ATP6V1H: variants seen among roughly 807,000 people sequenced by gnomAD.
The protein encoded by ATP6V1H is ATPase H+ transporting V1 subunit H.
Under a neutral mutation model 71.7 loss-of-function variants are expected in ATP6V1H, and 39 were observed. The observed-to-expected ratio is 0.54, with a 90% confidence interval of 0.42 to 0.71. ATP6V1H has a LOEUF of 0.71. Among genes scored for constraint, ATP6V1H ranks in the 30% least tolerant of loss-of-function variants. The pLI, the probability that ATP6V1H is intolerant of heterozygous loss-of-function variation, is 0.00. For missense variants in ATP6V1H, 509 were observed against 594.9 expected (o/e 0.86, Z 1.50); for synonymous variants, 192 against 199.3 (o/e 0.96, Z 0.31).
rs558390698 is a variant in ATP6V1H, at chr8:53,717,561, T to C, written c.1392-1537A>G. Among the ~76,000 whole-genome samples the C allele has an allele frequency of 3.9e-5, 6 of 152,318 alleles. No individual in the cohort carries two copies. In the South Asian group the frequency reaches 1.2e-3, roughly 32 times the overall value. On this transcript the variant is annotated intron_variant, in intron 13 of 13. Transcript: ENST00000359530. ...AACTACGCTGACATAATTTAGACAA[T>C]GGGATCTTATTTCCAACCAGAAGTT...
intron 2 of ATP6V1H, among the ~76,000 whole-genome samples, chr8:53,840,847 A>C (rs531390790): frequency 6.6e-6 from 1 of 152,342 alleles, no homozygotes; most frequent in African/African-American, 2.4e-5. Context: ...AATATACCAA[A>C]ATAAATATGA....
At chr8:53,807,680 G>A (rs889504847) in intron 7 of ATP6V1H, among the ~76,000 whole-genome samples, 3 of 152,120 alleles carry the variant, frequency 2.0e-5, no homozygotes, top group Non-Finnish European at 4.4e-5. Context: ...ATGTGTACAG[G>A]GTTGGTTGGT....
intron 1 of ATP6V1H, 34 bp from the exon 2 acceptor site, chr8:53,841,759 G>A (rs1185380378): frequency 1.9e-5 from 29 of 1,566,580 alleles, no homozygotes; most frequent in East Asian, 6.8e-5. Context: ...AACAGAATAC[G>A]AGGTGTTTCT....
chr8:53,725,262 G>A (rs181213016), intron 13 of ATP6V1H, among the ~76,000 whole-genome samples: 2 of 152,224 alleles, frequency 1.3e-5, no homozygotes, highest in East Asian at 1.9e-4. Context: ...GAGCTAGCAT[G>A]AGCGGGCACT....
rs894811416 is a variant in ATP6V1H, at chr8:53,836,184, G to A, written c.114-3098C>T. Among the ~76,000 whole-genome samples the A allele has an allele frequency of 7.2e-5, 11 of 152,088 alleles. 1 individual carries two copies. The highest frequency in any genetic ancestry group is 1.5e-4 in the Non-Finnish European group (10 of 68,024). On this transcript the variant is annotated intron_variant, in intron 2 of 13. Transcript: ENST00000359530. ...AAATAAATGAAATGTTGAGCACACT[G>A]ATAAACCTGAACTTCCTAGATAAAA...
intron 13 of ATP6V1H, among the ~76,000 whole-genome samples, chr8:53,731,033 C>A (rs983726688): frequency 6.6e-6 from 1 of 152,192 alleles, no homozygotes; most frequent in Non-Finnish European, 1.5e-5. Flanking sequence ...TAAGCCTCCA[C>A]GCGACTTCAA....
At position 53,765,230 on chromosome 8, in the gene ATP6V1H, C is replaced by T. The variant is rs540595001; in HGVS notation, c.1175+4388G>A. ...TGGCCTGGCCAACATGGTGAAACCC[C>T]GTCTCTACTAAAAATACAAAAATGA... On this transcript the variant is annotated intron_variant, in intron 11 of 13. Coordinates refer to ENST00000359530, the MANE Select transcript of ATP6V1H (RefSeq NM_015941.4). Among the ~76,000 whole-genome samples, 635 of 151,792 alleles carry T rather than the reference C, an allele frequency of 4.2e-3. 9 individuals carry two copies. The highest frequency in any genetic ancestry group is 0.014 in the African/African-American group (599 of 41,348).
intron 11 of ATP6V1H, among the ~76,000 whole-genome samples, chr8:53,759,859 T>C (rs1215462754): frequency 6.6e-6 from 1 of 152,204 alleles, no homozygotes; most frequent in Non-Finnish European, 1.5e-5. Context: ...AAAATTAACT[T>C]TTATACTTGC....
intron 2 of ATP6V1H, among the ~76,000 whole-genome samples, chr8:53,834,489 G>T (rs185711599): frequency 2.6e-5 from 4 of 152,104 alleles, no homozygotes; most frequent in Non-Finnish European, 4.4e-5. Flanking sequence ...GCAGTGGCAC[G>T]ATCTCAGCTC....
At chr8:53,810,321 A>G (rs753899120) in intron 7 of ATP6V1H, among the ~76,000 whole-genome samples, 1 of 152,254 alleles carries the variant, frequency 6.6e-6, no homozygotes, top group African/African-American at 2.4e-5. Flanking sequence ...CCTAGAGCAC[A>G]GCAAAGTTCA....
intron 2 of ATP6V1H, among the ~76,000 whole-genome samples, chr8:53,835,991 G>A (rs1430968123): frequency 2.6e-5 from 4 of 152,108 alleles, no homozygotes; most frequent in Admixed American, 6.6e-5. Flanking sequence ...CCCTACAGGC[G>A]CAGAACTAAG....
chr8:53,735,094 G>C (rs549412006), intron 13 of ATP6V1H, among the ~76,000 whole-genome samples: 5 of 152,290 alleles, frequency 3.3e-5, no homozygotes, highest in African/African-American at 1.2e-4. Context: ...TGCGAGGCAA[G>C]GTCCAGCCGT....
chr8:53,829,128 C>G (rs567490278), intron 4 of ATP6V1H, among the ~76,000 whole-genome samples: 16 of 152,280 alleles, frequency 1.1e-4, no homozygotes, highest in Admixed American at 1.0e-3. Flanking sequence ...CCATATCATC[C>G]ATAAGTACAC....
chr8:53,833,186 C>G, intron 2 of ATP6V1H, 100 bp from the exon 3 acceptor site: 1 of 864,216 alleles, frequency 1.2e-6, no homozygotes, highest in Non-Finnish European at 1.8e-6. Flanking sequence ...TGGCAGCAAA[C>G]CACAAGGGCT....
intron 13 of ATP6V1H, among the ~76,000 whole-genome samples, chr8:53,738,902 T>C (rs1010131253): frequency 6.6e-6 from 1 of 152,204 alleles, no homozygotes; most frequent in Non-Finnish European, 1.5e-5. Context: ...ATAACAGCTG[T>C]AAAAAATTCC....
chr8:53,801,985 C>T (rs770806246), intron 7 of ATP6V1H, 89 bp from the exon 8 acceptor site: 2 of 1,163,232 alleles, frequency 1.7e-6, no homozygotes, highest in Non-Finnish European at 1.2e-6. Context: ...AGTCAGATTA[C>T]CTACTGGAAT....
intron 13 of ATP6V1H, among the ~76,000 whole-genome samples, chr8:53,727,972 T>TA (rs1384077573): frequency 6.6e-6 from 1 of 152,102 alleles, no homozygotes; most frequent in Non-Finnish European, 1.5e-5. Flanking sequence ...TTTTAATAAC[T>TA]AAAAAAACTG....
intron 12 of ATP6V1H, among the ~76,000 whole-genome samples, chr8:53,747,594 C>T (rs954854067): frequency 1.3e-5 from 2 of 150,386 alleles, no homozygotes; most frequent in African/African-American, 4.9e-5. Context: ...GGCTGGAGTG[C>T]AGTGGCATGA....
At chr8:53,839,454 A>T (rs1245103830) in intron 2 of ATP6V1H, among the ~76,000 whole-genome samples, 1 of 152,136 alleles carries the variant, frequency 6.6e-6, no homozygotes, top group Non-Finnish European at 1.5e-5. Flanking sequence ...GCCCCACAAT[A>T]ACCCAGTTCC....
Sources: gnomAD v4.1 joint callset for allele counts (sites outside exome capture counted in the v4.1 genomes callset) on GRCh38, gnomAD v4.1.1 for gene constraint, MANE v1.5 for transcripts, NCBI Gene and HGNC (gene_info 2026-07-23, HGNC 2026-07-21) for gene names.